CFAP47: variants seen among roughly 807,000 people sequenced by gnomAD.
CFAP47 encodes the protein cilia- and flagella-associated protein 47.
In CFAP47, 29 loss-of-function variants were observed where a neutral mutation model predicts 148.1. The ratio of observed to expected loss-of-function variants is 0.20; its 90% CI spans 0.15 to 0.27. CFAP47 has a LOEUF of 0.27. Among genes scored for constraint, CFAP47 ranks in the 10% least tolerant of loss-of-function variants. The pLI is 1.00. For synonymous variants in CFAP47, 664 were observed against 577.3 expected, an observed-to-expected ratio of 1.15 and a Z score of -2.15; for missense variants, 1,872 against 1,697.5, an observed-to-expected ratio of 1.10 and a Z score of -1.81.
intron 49 of CFAP47, among the ~76,000 whole-genome samples, chrX:36,276,970 G>A (rs1556002803): frequency 9.0e-6 from 1 of 111,605 alleles, no homozygotes; most frequent in Non-Finnish European, 1.9e-5. Flanking sequence ...GTTGGGAGGA[G>A]AAATCTTCTA....
At chrX:36,104,027 C>A (rs1035776329) in intron 32 of CFAP47, among the ~76,000 whole-genome samples, 1 of 111,814 alleles carries the variant, frequency 8.9e-6, no homozygotes, top group African/African-American at 3.2e-5. Context: ...AACAATAGGT[C>A]AAATGACAAA....
intron 62 of CFAP47, among the ~76,000 whole-genome samples, chrX:36,370,169 T>C (rs1184347823): frequency 9.0e-6 from 1 of 111,038 alleles, no homozygotes; most frequent in African/African-American, 3.3e-5. Context: ...GTTACATAGA[T>C]ATACATGTGC....
chrX:36,128,200 T>C (rs181221025), intron 33 of CFAP47, among the ~76,000 whole-genome samples: 22 of 111,350 alleles, frequency 2.0e-4, no homozygotes, highest in African/African-American at 7.2e-4. Context: ...CTCTATTCTC[T>C]TAGTTCTCTT....
chrX:36,249,763 A>C (rs1555997800), intron 48 of CFAP47, among the ~76,000 whole-genome samples: 1 of 111,249 alleles, frequency 9.0e-6, no homozygotes. Flanking sequence ...TACTCTCAAC[A>C]AAATATTAGA....
intron 8 of CFAP47, among the ~76,000 whole-genome samples, chrX:35,957,932 A>G (rs968507253): frequency 8.1e-5 from 9 of 111,710 alleles, no homozygotes; most frequent in South Asian, 7.4e-4. Context: ...ATTGAAGTAT[A>G]CAATTCAGTG....
At chrX:36,273,850 A>C (rs1940985522) in intron 49 of CFAP47, among the ~76,000 whole-genome samples, 1 of 111,679 alleles carries the variant, frequency 9.0e-6, no homozygotes. Context: ...TTAACAATAA[A>C]AAATATACGT....
chrX:36,068,662 A>AC (rs1937685303), intron 27 of CFAP47, among the ~76,000 whole-genome samples: 1 of 105,055 alleles, frequency 9.5e-6, no homozygotes, highest in African/African-American at 3.4e-5. Flanking sequence ...AAATGTAAAG[A>AC]TTTTTTTTTT....
intron 60 of CFAP47, among the ~76,000 whole-genome samples, chrX:36,359,782 G>T (rs192112539): frequency 9.0e-6 from 1 of 110,871 alleles, no homozygotes; most frequent in East Asian, 2.9e-4. Context: ...ACGGAATCTC[G>T]CTCTGTCACC....
rs139970234 is a variant in CFAP47, at chrX:36,189,510, G to C, written c.6176-541G>C. On this transcript the variant is annotated intron_variant, in intron 41 of 63. Coordinates refer to ENST00000378653, the MANE Select transcript of CFAP47 (RefSeq NM_001304548.2). ...TCAAAAATCACACTGCTTCACTTTT[G>C]CTGCATTCTAGCATACAATTTGTAA... Among the ~76,000 whole-genome samples, 976 of 111,365 alleles carry C rather than the reference G, an allele frequency of 8.8e-3. 5 individuals are homozygous for C. The highest frequency in any genetic ancestry group is 0.013 in the Non-Finnish European group (700 of 53,091).
At chrX:36,003,973 T>TTC (rs1569229923) in intron 21 of CFAP47, among the ~76,000 whole-genome samples, 106 of 78,830 alleles carry the variant, frequency 1.3e-3, no homozygotes, top group African/African-American at 4.8e-3. Flanking sequence ...TTTTCTTTTT[T>TTC]TTTTTTTTTT....
At chrX:36,178,382 T>G (rs1239137038) in intron 39 of CFAP47, among the ~76,000 whole-genome samples, 1 of 111,511 alleles carries the variant, frequency 9.0e-6, no homozygotes, top group African/African-American at 3.3e-5. Context: ...AAAATTTGAC[T>G]AAAGAAAAAA....
At chrX:36,046,274 A>G (rs1937464792) in intron 25 of CFAP47, among the ~76,000 whole-genome samples, 1 of 110,572 alleles carries the variant, frequency 9.0e-6, no homozygotes, top group Non-Finnish European at 1.9e-5. Context: ...AGTGAATACT[A>G]TTAATACATA....
In CFAP47 at chrX:35,924,315, A is replaced by G. The variant is rs757013715; in HGVS notation, c.250-1702A>G. The stretch of plus-strand genomic sequence containing the variant: ...TATGTGTACACATATGTATATATGT[A>G]CATGTATGTGTATATGTGTACATAT... On this transcript the variant is annotated intron_variant, in intron 1 of 63. Transcript: ENST00000378653. Among the ~76,000 whole-genome samples, 12 of 101,949 alleles carry G rather than the reference A, an allele frequency of 1.2e-4. 1 individual carries two copies. Among genetic ancestry groups the G allele is most frequent in the South Asian group, 3.9e-4 (1 of 2,548 alleles). The allele number at this position is 101,949 out of a possible 115,157, so 88.5% of individuals were successfully genotyped here.
Position 36,112,727 on chromosome X carries a change from T to A in CFAP47, c.5320+8036T>A, listed in dbSNP as rs149882722. On this transcript the variant is annotated intron_variant, in intron 33 of 63. Transcript: ENST00000378653. ...GTTAACATCTCCCACTATTATTGTG[T>A]GGGAGTTTGTCTTTTTGAAGGTCTC... 2.6e-3 allele frequency among the ~76,000 whole-genome samples: 294 copies of A among 111,493 alleles called. 1 individual carries two copies. Among genetic ancestry groups the A allele is most frequent in the African/African-American group, 9.4e-3 (289 of 30,679 alleles).
chrX:36,302,850 T>C (rs1260984148), intron 53 of CFAP47, among the ~76,000 whole-genome samples: 1 of 112,253 alleles, frequency 8.9e-6, no homozygotes, highest in East Asian at 2.8e-4. Context: ...GGATTTAGCA[T>C]TATAAAACAA....
chrX:36,250,386 T>A (rs1255606130), intron 48 of CFAP47, among the ~76,000 whole-genome samples: 1 of 110,522 alleles, frequency 9.0e-6, no homozygotes, highest in Non-Finnish European at 1.9e-5. Context: ...GAGAGTAGAA[T>A]GGTGGTTATC....
chrX:36,075,008 T>C (rs1937821136), intron 29 of CFAP47, among the ~76,000 whole-genome samples: 1 of 110,633 alleles, frequency 9.0e-6, no homozygotes, highest in Admixed American at 9.7e-5. Flanking sequence ...TCTTTATCCA[T>C]TCATCTGTTG....
Position 36,272,701 on chromosome X carries a change from T to C in CFAP47, c.7445-7786T>C, listed in dbSNP as rs150762009. On this transcript the variant is annotated intron_variant, in intron 49 of 63. Coordinates refer to ENST00000378653, the MANE Select transcript of CFAP47 (RefSeq NM_001304548.2). ...AAATTTCCAGGACCCTCAGTTTTCT[T>C]AGGGATGAACTAAATGGCTGATACC... 6.6e-3 allele frequency among the ~76,000 whole-genome samples: 741 copies of C among 111,541 alleles called. 5 individuals are homozygous for C. Among genetic ancestry groups the C allele is most frequent in the African/African-American group, 0.017 (539 of 30,813 alleles).
chrX:36,233,863 T>C (rs1489775538), intron 46 of CFAP47, among the ~76,000 whole-genome samples: 1 of 111,025 alleles, frequency 9.0e-6, no homozygotes, highest in African/African-American at 3.3e-5. Flanking sequence ...TTATTTCTCC[T>C]TCACTTATGA....
Sources: allele counts gnomAD v4.1 joint callset (sites outside exome capture counted in the v4.1 genomes callset), GRCh38; gene constraint gnomAD v4.1.1; transcripts MANE v1.5; gene names NCBI Gene and HGNC (gene_info 2026-07-23, HGNC 2026-07-21).